Variants in SIPA1L2 observed in about 807,000 individuals in gnomAD.
SIPA1L2 encodes signal induced proliferation associated 1 like 2, also known as signal-induced proliferation-associated 1-like protein 2.
A neutral mutation model predicts 163.9 loss-of-function variants in SIPA1L2; 56 were observed. The ratio of observed to expected loss-of-function variants is 0.34; its 90% CI spans 0.28 to 0.43. SIPA1L2 has a LOEUF of 0.43. SIPA1L2 is among the 20% of genes least tolerant of loss of function. The pLI is 1.00. For missense variants in SIPA1L2, 1,974 were observed against 2,193.5 expected (o/e 0.90, Z 2.00); for synonymous variants, 877 against 865.7 (o/e 1.01, Z -0.23).
Position 232,425,608 on chromosome 1 carries a change from G to T in SIPA1L2, c.4611C>A (p.Pro1537=), listed in dbSNP as rs1379241241. The T allele has an allele frequency of 6.3e-7, 1 of 1,596,498 alleles. No individual in the cohort carries two copies. The highest frequency in any genetic ancestry group is 2.1e-4 in the Middle Eastern group (1 of 4,814). Residue 1537 remains proline, a synonymous_variant, in exon 18 of 23, where the codon CCC becomes CCA. Coordinates refer to ENST00000674635, the MANE Select transcript of SIPA1L2 (RefSeq NM_020808.5). ...STLPPRAHPA[P]SMGSLRNEFW... ...ACTTACTTCTCAGGCTCCCCATGCT[G>T]GGTGCGGGGTGGGCCCGCGGAGGCA...
chr1:232,530,268 C>G (rs1405600864), intron 2 of SIPA1L2, among the ~76,000 whole-genome samples: 2 of 152,154 alleles, frequency 1.3e-5, no homozygotes, highest in African/African-American at 4.8e-5. Flanking sequence ...CGCACACCAC[C>G]ACGCCCGGCT....
upstream of SIPA1L2, among the ~76,000 whole-genome samples, chr1:232,630,136 C>A (rs952215799): frequency 6.6e-6 from 1 of 151,324 alleles, no homozygotes; most frequent in East Asian, 1.9e-4. Context: ...CCCAGTCTGC[C>A]GCGCCGGCTC....
chr1:232,589,702 G>C (rs1480966370), intron 1 of SIPA1L2, among the ~76,000 whole-genome samples: 1 of 152,142 alleles, frequency 6.6e-6, no homozygotes, highest in East Asian at 1.9e-4. Flanking sequence ...CTTTTCAGCT[G>C]ATCTTCCCTC....
intron 4 of SIPA1L2, 103 bp downstream of exon 4, chr1:232,493,424 T>TA (rs11294872): frequency 1.6e-3 from 2,100 of 1,315,964 alleles, no homozygotes; most frequent in Non-Finnish European, 1.8e-3. Context: ...TCATTAACAT[T>TA]AAAAAAAAAT....
rs761874480 is a variant in SIPA1L2 at position 232,445,603 on chromosome 1, T to C, written c.3279A>G (p.Gln1093=). ...CAGCCTGGGCCTGCTGGAGCAGCTG[T>C]TGGCACGGCAGCCGGTCGGGCGTGC... ...IPGTPDRLPC[Q]QLLQQAQAAI... The change falls in exon 11 of 23, where the codon CAA becomes CAG. Residue 1093 remains glutamine (Q), a synonymous_variant. Transcript: ENST00000674635. 4.2e-5 allele frequency: 68 copies of C among 1,613,768 alleles called. No homozygotes were observed. Among genetic ancestry groups the C allele is most frequent in the Non-Finnish European group, 5.3e-5 (63 of 1,180,024 alleles).
At chr1:232,593,711 T>C (rs1375099765) in intron 1 of SIPA1L2, among the ~76,000 whole-genome samples, 2 of 149,708 alleles carry the variant, frequency 1.3e-5, no homozygotes, top group Non-Finnish European at 3.0e-5. Context: ...ATACAAATTC[T>C]CAGTAACACA....
chr1:232,526,404 G>T (rs1164526177), intron 2 of SIPA1L2, among the ~76,000 whole-genome samples: 1 of 151,990 alleles, frequency 6.6e-6, no homozygotes, highest in Non-Finnish European at 1.5e-5. Flanking sequence ...ACTGGAGTGG[G>T]GTGGGTAGGG....
chr1:232,447,665 G>A (rs1663297615), intron 10 of SIPA1L2, among the ~76,000 whole-genome samples: 1 of 152,182 alleles, frequency 6.6e-6, no homozygotes, highest in African/African-American at 2.4e-5. Flanking sequence ...GGATCAGTAT[G>A]ATCCAATATT....
chr1:232,528,865 C>T (rs10797576), intron 2 of SIPA1L2, among the ~76,000 whole-genome samples: 18,534 of 152,190 alleles, frequency 0.12, 1,258 homozygotes, highest in Middle Eastern at 0.29. Context: ...CTTTTGGTTT[C>T]TGCCTCAAAG....
intron 18 of SIPA1L2, among the ~76,000 whole-genome samples, chr1:232,418,567 AC>A (rs1381699846): frequency 6.6e-6 from 1 of 152,228 alleles, no homozygotes; most frequent in African/African-American, 2.4e-5. Flanking sequence ...TCTGCCTGCT[AC>A]CCCCTACGCA....
intron 22 of SIPA1L2, among the ~76,000 whole-genome samples, chr1:232,399,640 T>C (rs1432284609): frequency 1.3e-5 from 2 of 152,118 alleles, no homozygotes; most frequent in Non-Finnish European, 2.9e-5. Context: ...AAGTAGAAAA[T>C]TGGAATTAGC....
At chr1:232,437,825 G>T (rs1662657286) in intron 15 of SIPA1L2, among the ~76,000 whole-genome samples, 1 of 152,138 alleles carries the variant, frequency 6.6e-6, no homozygotes, top group Admixed American at 6.5e-5. Flanking sequence ...TTCTACCCGG[G>T]GACAGACGAG....
At chr1:232,471,630 G>C in intron 7 of SIPA1L2, 102 bp from the exon 8 acceptor site, 1 of 1,109,374 alleles carries the variant, frequency 9.0e-7, no homozygotes, top group East Asian at 2.9e-5. Context: ...TTTTTAAAAA[G>C]CACAGTCATT....
intron 6 of SIPA1L2, among the ~76,000 whole-genome samples, chr1:232,480,865 C>A (rs1238856721): frequency 1.3e-5 from 2 of 152,080 alleles, no homozygotes; most frequent in African/African-American, 4.8e-5. Flanking sequence ...AAACATTCAA[C>A]CTTCACGGAC....
rs990055657 is a variant in SIPA1L2 at position 232,420,618 on chromosome 1, G to A, written c.4630+4971C>T. On this transcript the variant is annotated intron_variant, in intron 18 of 22. Coordinates refer to ENST00000674635, the MANE Select transcript of SIPA1L2 (RefSeq NM_020808.5). ...TGGGAGGCCGAGGCGGGCGGATCAC[G>A]AGATCAGGAGATGGAGACCATCCTG... is the stretch of plus-strand genomic sequence containing the variant. Among the ~76,000 whole-genome samples the A allele has an allele frequency of 4.6e-5, 7 of 152,106 alleles. No individual in the cohort carries two copies. The East Asian group carries it at 1.2e-3, about 25-fold the overall frequency.
intron 10 of SIPA1L2, among the ~76,000 whole-genome samples, chr1:232,451,687 C>G (rs1469040642): frequency 6.6e-6 from 1 of 152,136 alleles, no homozygotes; most frequent in Non-Finnish European, 1.5e-5. Context: ...AACTGCATTT[C>G]TAGCTTCTGG....
At chr1:232,584,231 A>G (rs1021628952) in intron 1 of SIPA1L2, among the ~76,000 whole-genome samples, 5 of 151,958 alleles carry the variant, frequency 3.3e-5, no homozygotes, top group Admixed American at 6.6e-5. Context: ...TTTTAGTCCA[A>G]TCTTTTTTTT....
chr1:232,468,975 G>A (rs1664663011), intron 8 of SIPA1L2, among the ~76,000 whole-genome samples: 1 of 152,196 alleles, frequency 6.6e-6, no homozygotes, highest in Non-Finnish European at 1.5e-5. Flanking sequence ...CCTAGTTCCA[G>A]TGGACCCAGC....
Position 232,439,135 on chromosome 1 carries a change from T to C in SIPA1L2, c.4004A>G (p.Asp1335Gly). 4.3e-6 allele frequency: 7 copies of C among 1,611,084 alleles called. No homozygotes were observed. Among genetic ancestry groups the C allele is most frequent in the Non-Finnish European group, 5.9e-6 (7 of 1,178,640 alleles). Reference protein sequence around the residue: ...AGSAAEGSMGDLSEISSHSSG... With the variant: ...AGSAAEGSMGGLSEISSHSSG... ...GGAATGAGAGGATATCTCACTGAGA[T>C]CGCCCATGCTGCCTTCCGCAGCACT... The change falls in exon 15 of 23, where the codon GAT becomes GGT. Residue 1335 changes from aspartate (D) to glycine (G), a missense_variant. Physicochemically the swap from Asp to Gly is moderately conservative, Grantham distance 94. Around this residue, in one of 3 missense-constraint regions of SIPA1L2, gnomAD observed 1,079 missense variants for 1,150.7 expected, o/e 0.94. Coordinates refer to ENST00000674635, the MANE Select transcript of SIPA1L2 (RefSeq NM_020808.5).
Sources: allele counts gnomAD v4.1 joint callset (sites outside exome capture counted in the v4.1 genomes callset), GRCh38; gene constraint gnomAD v4.1.1; regional missense constraint gnomAD v4.1.1; transcripts MANE v1.5; gene names NCBI Gene and HGNC (gene_info 2026-07-23, HGNC 2026-07-21).